The following CNTNAP2 variants were observed in gnomAD, a reference collection of about 807,000 sequenced individuals.
CNTNAP2 encodes the protein contactin associated protein 2, also known as contactin-associated protein-like 2.
Under a neutral mutation model 155.2 loss-of-function variants are expected in CNTNAP2, and 98 were observed. That is an observed-to-expected ratio of 0.63 (90% confidence interval 0.54 to 0.75). The LOEUF is 0.75. Among genes scored for constraint, CNTNAP2 ranks in the 30% least tolerant of loss-of-function variants. The pLI is 0.00. For missense variants in CNTNAP2, 1,727 were observed against 1,688.1 expected (o/e 1.02, Z -0.40); for synonymous variants, 651 against 631.2 (o/e 1.03, Z -0.47).
intron 21 of CNTNAP2, among the ~76,000 whole-genome samples, chr7:148,305,552 G>A (rs1327109434): frequency 1.3e-5 from 2 of 152,166 alleles, no homozygotes; most frequent in Admixed American, 6.5e-5. Flanking sequence ...TAATTGACTC[G>A]CAGTTCTGCA....
intron 13 of CNTNAP2, among the ~76,000 whole-genome samples, chr7:147,762,144 C>G (rs1049733414): frequency 6.0e-5 from 8 of 133,798 alleles, no homozygotes; most frequent in African/African-American, 6.5e-5. Context: ...CTCTCTCTCT[C>G]TCTCTCTGTC....
chr7:148,211,414 T>C (rs895051944), intron 18 of CNTNAP2, among the ~76,000 whole-genome samples: 4 of 152,204 alleles, frequency 2.6e-5, no homozygotes, highest in African/African-American at 9.6e-5. Flanking sequence ...TAAATGTGGT[T>C]TGCTTGAGCG....
intron 1 of CNTNAP2, among the ~76,000 whole-genome samples, chr7:146,695,281 A>G (rs953892921): frequency 2.6e-5 from 4 of 152,168 alleles, no homozygotes; most frequent in African/African-American, 9.7e-5. Flanking sequence ...TAATTTGTTC[A>G]GAGTTTTTAT....
chr7:147,645,446 C>T (rs1795350860), intron 13 of CNTNAP2, among the ~76,000 whole-genome samples: 1 of 152,196 alleles, frequency 6.6e-6, no homozygotes, highest in South Asian at 2.1e-4. Context: ...TTATTATACC[C>T]ACTCATTGTA....
At chr7:147,083,811 A>G (rs1800199651) in intron 4 of CNTNAP2, among the ~76,000 whole-genome samples, 2 of 138,774 alleles carry the variant, frequency 1.4e-5, no homozygotes, top group African/African-American at 5.5e-5. Flanking sequence ...ACATGTATGT[A>G]CATATTATAT....
intron 1 of CNTNAP2, among the ~76,000 whole-genome samples, chr7:146,714,899 G>T (rs542910154): frequency 6.6e-6 from 1 of 152,154 alleles, no homozygotes; most frequent in African/African-American, 2.4e-5. Context: ...GGTTACCAGA[G>T]GTTAGGCGCT....
In CNTNAP2 at chr7:146,886,563, T is replaced by A. The variant is rs554471791; in HGVS notation, c.402+46659T>A. The stretch of plus-strand genomic sequence containing the variant: ...CCTGGACTGTATGTTTTTTTCTGTT[T>A]CTTAATCTAATATTCTACCAATCTC... On this transcript the variant is annotated intron_variant, in intron 3 of 23. Transcript: ENST00000361727. 1.1e-4 allele frequency among the ~76,000 whole-genome samples: 16 copies of A among 152,154 alleles called. No individual in the cohort carries two copies. In the South Asian group the frequency reaches 3.3e-3, roughly 32 times the overall value.
At chr7:147,810,066 C>T (rs1449423573) in intron 13 of CNTNAP2, among the ~76,000 whole-genome samples, 1 of 152,116 alleles carries the variant, frequency 6.6e-6, no homozygotes, top group Admixed American at 6.6e-5. Flanking sequence ...AAAGAGTAAA[C>T]GTGGATGTTG....
intron 9 of CNTNAP2, among the ~76,000 whole-genome samples, chr7:147,307,807 A>T (rs1390410093): frequency 6.6e-6 from 1 of 152,204 alleles, no homozygotes; most frequent in East Asian, 1.9e-4. Flanking sequence ...ACTAAGGCCT[A>T]CATTCATTCA....
intron 14 of CNTNAP2, among the ~76,000 whole-genome samples, chr7:147,916,094 G>A (rs1042427848): frequency 4.6e-5 from 7 of 152,192 alleles, no homozygotes; most frequent in African/African-American, 1.7e-4. Flanking sequence ...AAAAACTTCA[G>A]GAGGCTCATC....
intron 1 of CNTNAP2, among the ~76,000 whole-genome samples, chr7:146,636,165 G>T (rs1361338497): frequency 2.0e-5 from 3 of 151,596 alleles, no homozygotes; most frequent in African/African-American, 7.3e-5. Flanking sequence ...GTGGACTACA[G>T]CGGTGCCCAC....
intron 3 of CNTNAP2, among the ~76,000 whole-genome samples, chr7:146,992,740 C>T (rs1798232956): frequency 6.6e-6 from 1 of 151,980 alleles, no homozygotes; most frequent in Non-Finnish European, 1.5e-5. Context: ...TCTAACATAA[C>T]TGTCAATAAT....
intron 1 of CNTNAP2, among the ~76,000 whole-genome samples, chr7:146,677,860 T>A (rs1275956745): frequency 6.6e-6 from 1 of 151,974 alleles, no homozygotes; most frequent in Non-Finnish European, 1.5e-5. Flanking sequence ...TTGAAATAAT[T>A]GCCCCCAGAC....
intron 19 of CNTNAP2, among the ~76,000 whole-genome samples, chr7:148,228,668 C>G (rs1241186787): frequency 6.8e-6 from 1 of 147,408 alleles, no homozygotes; most frequent in Non-Finnish European, 1.5e-5. Context: ...CTAAAAATAC[C>G]AAAAAAAAAA....
chr7:146,394,272 C>A (rs948853527), intron 1 of CNTNAP2, among the ~76,000 whole-genome samples: 5 of 151,938 alleles, frequency 3.3e-5, no homozygotes, highest in Non-Finnish European at 7.4e-5. Flanking sequence ...AACAAAGGAG[C>A]GCTAGGGGAG....
At chr7:148,294,412 C>G (rs1797244704) in intron 21 of CNTNAP2, among the ~76,000 whole-genome samples, 1 of 152,144 alleles carries the variant, frequency 6.6e-6, no homozygotes, top group Non-Finnish European at 1.5e-5. Context: ...GAAATAAACT[C>G]ACTTTCTAGT....
chr7:148,281,083 G>A (rs552450278), intron 21 of CNTNAP2, among the ~76,000 whole-genome samples: 3 of 152,166 alleles, frequency 2.0e-5, no homozygotes, highest in South Asian at 2.1e-4. Flanking sequence ...GACCTGCAGC[G>A]ATTAAGCCAC....
chr7:147,751,290 G>A (rs1478525820), intron 13 of CNTNAP2, among the ~76,000 whole-genome samples: 1 of 151,114 alleles, frequency 6.6e-6, no homozygotes, highest in African/African-American at 2.4e-5. Flanking sequence ...TTGCTAGTAG[G>A]TGGTTTTAAC....
At chr7:147,550,637 T>G (rs1799833643) in intron 11 of CNTNAP2, among the ~76,000 whole-genome samples, 1 of 152,130 alleles carries the variant, frequency 6.6e-6, no homozygotes, top group Non-Finnish European at 1.5e-5. Context: ...GGGGCTGATG[T>G]GGGGAGAGGA....
Sources: allele counts gnomAD v4.1 joint callset (sites outside exome capture counted in the v4.1 genomes callset), GRCh38; gene constraint gnomAD v4.1.1; transcripts MANE v1.5; gene names NCBI Gene and HGNC (gene_info 2026-07-23, HGNC 2026-07-21).